Variants in BCAS3 observed in about 807,000 individuals in gnomAD.
BCAS3 encodes the protein BCAS3 microtubule associated cell migration factor, also known as BCAS4/BCAS3 fusion.
A neutral mutation model predicts 116.1 loss-of-function variants in BCAS3; 53 were observed. The ratio of observed to expected loss-of-function variants is 0.46; its 90% confidence interval spans 0.37 to 0.57. The LOEUF (loss-of-function observed/expected upper bound fraction) is 0.57, where lower values mean the gene tolerates loss of function less well. Among genes scored for constraint, BCAS3 ranks in the 20% least tolerant of loss-of-function variants. The pLI, the probability that BCAS3 is intolerant of heterozygous loss-of-function variation, is 0.00. For synonymous variants in BCAS3, 391 were observed against 408.2 expected, an observed-to-expected ratio of 0.96 and a Z score of 0.51; for missense variants, 917 against 1,165.4, an observed-to-expected ratio of 0.79 and a Z score of 3.10.
chr17:60,814,237 A>T (rs1194023108), intron 7 of BCAS3, among the ~76,000 whole-genome samples: 1 of 150,362 alleles, frequency 6.7e-6, no homozygotes, highest in East Asian at 1.9e-4. Context: ...TTATATCTTT[A>T]ACCTTGTTCA....
At chr17:60,927,990 G>A (rs9892450) in intron 13 of BCAS3, among the ~76,000 whole-genome samples, 41,353 of 152,046 alleles carry the variant, frequency 0.27, 8,645 homozygotes, top group African/African-American at 0.59. Context: ...CCACACTACA[G>A]AAATGTTTTA....
rs1255605076 is a variant in BCAS3 at position 60,964,429 on chromosome 17, T to C, written c.1221+17077T>C. ...ATCTTTTTAGTGTGTTGTTGAATTC[T>C]GTTTGCTAGTATTTTGTTGAGGATT... On this transcript the variant is annotated intron_variant, in intron 14 of 23. Coordinates refer to ENST00000407086, the MANE Select transcript of BCAS3 (RefSeq NM_017679.5). The surrounding 1 kb of genome is among the most constrained non-coding windows in gnomAD (Gnocchi z 4.6). Among the ~76,000 whole-genome samples, 2 of 152,176 alleles carry C rather than the reference T, an allele frequency of 1.3e-5. No homozygotes were observed. The highest frequency in any genetic ancestry group is 4.8e-5 in the African/African-American group (2 of 41,452).
At chr17:61,246,381 T>C (rs542882250) in intron 22 of BCAS3, among the ~76,000 whole-genome samples, 3 of 141,252 alleles carry the variant, frequency 2.1e-5, no homozygotes, top group Admixed American at 1.6e-4. Flanking sequence ...TTGAGGAGGC[T>C]GAGGCGAGAG....
chr17:60,881,768 A>T (rs1004481752), intron 9 of BCAS3, among the ~76,000 whole-genome samples: 2 of 150,754 alleles, frequency 1.3e-5, no homozygotes, highest in South Asian at 2.1e-4. Flanking sequence ...AAGGACATGA[A>T]CTCATCATTT....
rs868058323 is a variant in BCAS3, at chr17:61,067,744, T to A, written c.2030-7176T>A. ...AAACAAACAAAAAAAAAAAAAAATA[T>A]ATATATATATATAGAAACACACACA... On this transcript the variant is annotated intron_variant, in intron 19 of 23. Transcript: ENST00000407086. 4.7e-3 allele frequency among the ~76,000 whole-genome samples: 645 copies of A among 137,420 alleles called. 7 individuals are homozygous for A. Among genetic ancestry groups the A allele is most frequent in the Admixed American group, 0.024 (332 of 13,804 alleles). 90.2% of individuals were successfully genotyped at this position (137,420 alleles called of 152,430 possible). A position where few individuals can be genotyped will look rare whatever the true frequency, so the allele number is the denominator to read the frequency against.
intron 13 of BCAS3, 106 bp downstream of exon 13, chr17:60,924,606 A>G: frequency 1.3e-6 from 1 of 758,380 alleles, no homozygotes; most frequent in Non-Finnish European, 2.1e-6. Context: ...TTCATGTATC[A>G]GTATATATCA....
intron 7 of BCAS3, chr17:60,810,775 A>G: frequency 4.6e-6 from 3 of 656,222 alleles, no homozygotes; most frequent in East Asian, 3.1e-5. Context: ...GACAGAGATC[A>G]AGGCTCTCAA....
At chr17:60,813,299 TA>T (rs75809156) in intron 7 of BCAS3, among the ~76,000 whole-genome samples, 187 of 120,194 alleles carry the variant, frequency 1.6e-3, no homozygotes, top group African/African-American at 2.0e-3. Context: ...AAAGATTTCT[TA>T]AAAAAAAAAA....
At chr17:61,167,602 C>T (rs948682764) in intron 22 of BCAS3, among the ~76,000 whole-genome samples, 14 of 152,170 alleles carry the variant, frequency 9.2e-5, no homozygotes, top group African/African-American at 2.9e-4. Flanking sequence ...AAAAGATGGT[C>T]CCCTGACTCA....
At chr17:60,871,999 C>T (rs1286606802) in intron 8 of BCAS3, among the ~76,000 whole-genome samples, 1 of 151,648 alleles carries the variant, frequency 6.6e-6, no homozygotes. Flanking sequence ...TATTATGACC[C>T]TTTATGAACC....
intron 22 of BCAS3, among the ~76,000 whole-genome samples, chr17:61,275,975 T>G (rs1284339251): frequency 6.6e-6 from 1 of 152,172 alleles, no homozygotes; most frequent in East Asian, 1.9e-4. Flanking sequence ...TACTTAATAG[T>G]TTTTTGATAG....
chr17:60,977,694 T>C (rs1033287425), intron 14 of BCAS3, among the ~76,000 whole-genome samples: 23 of 136,694 alleles, frequency 1.7e-4, no homozygotes, highest in African/African-American at 6.3e-4. Context: ...GATGTTCCCC[T>C]TCCTGTGTCC....
At chr17:61,079,935 G>A (rs956382115) in intron 21 of BCAS3, among the ~76,000 whole-genome samples, 5 of 133,218 alleles carry the variant, frequency 3.8e-5, no homozygotes, top group Admixed American at 8.9e-5. Context: ...TCTGTCACCT[G>A]GGCTGGAGTG....
chr17:60,892,311 T>C (rs1567807232), intron 10 of BCAS3, among the ~76,000 whole-genome samples: 1 of 148,720 alleles, frequency 6.7e-6, no homozygotes, highest in African/African-American at 2.6e-5. Flanking sequence ...GTTTTTGACT[T>C]ATTTTTTTTT....
chr17:61,164,358 A>C (rs896471785), intron 22 of BCAS3, among the ~76,000 whole-genome samples: 8 of 152,100 alleles, frequency 5.3e-5, no homozygotes, highest in African/African-American at 1.9e-4. Flanking sequence ...TGGGACCTTT[A>C]AGAGGTGATT....
rs2076671628 is a variant in BCAS3 at position 61,136,916 on chromosome 17, G to C, written c.2425+52352G>C. Among the ~76,000 whole-genome samples the C allele has an allele frequency of 1.3e-5, 2 of 152,094 alleles. No homozygotes were observed. The highest frequency in any genetic ancestry group is 6.5e-5 in the Admixed American group (1 of 15,280). Reference sequence around the variant, plus strand: ...AACCAGCAGTAACCAGACCCTGGTGGGTGCTGAGAAAATGTTGAATTATTC... The same window carrying C: ...AACCAGCAGTAACCAGACCCTGGTGCGTGCTGAGAAAATGTTGAATTATTC... On this transcript the variant is annotated intron_variant, in intron 22 of 23. Coordinates refer to ENST00000407086, the MANE Select transcript of BCAS3 (RefSeq NM_017679.5). This position sits in a 1 kb window ranked among gnomAD's most constrained non-coding sequence, Gnocchi z 4.4.
At chr17:60,701,105 G>A (rs950142602) in intron 4 of BCAS3, among the ~76,000 whole-genome samples, 1 of 152,062 alleles carries the variant, frequency 6.6e-6, no homozygotes, top group Non-Finnish European at 1.5e-5. Flanking sequence ...TTAGCCAGGC[G>A]TGGTGACGCA....
chr17:61,272,306 G>A (rs1402782805), intron 22 of BCAS3, among the ~76,000 whole-genome samples: 1 of 152,148 alleles, frequency 6.6e-6, no homozygotes, highest in East Asian at 1.9e-4. Context: ...TTAGGATTTG[G>A]TGATATTTAT....
At chr17:60,832,187 T>C (rs1380190740) in intron 7 of BCAS3, among the ~76,000 whole-genome samples, 1 of 152,184 alleles carries the variant, frequency 6.6e-6, no homozygotes, top group Admixed American at 6.5e-5. Flanking sequence ...CAAAGATAAA[T>C]GTGTTTTCAG....
Sources: gnomAD v4.1 joint callset for allele counts (sites outside exome capture counted in the v4.1 genomes callset) on GRCh38, gnomAD v4.1.1 for gene constraint, Gnocchi (gnomAD v3.1) non-coding constraint, MANE v1.5 for transcripts, NCBI Gene and HGNC (gene_info 2026-07-23, HGNC 2026-07-21) for gene names.